The following SOX5 variants were observed in gnomAD, a reference collection of about 807,000 sequenced individuals.
SOX5 encodes SRY-box transcription factor 5, also known as transcription factor SOX-5.
A neutral mutation model predicts 92.0 loss-of-function variants in SOX5; 9 were observed. The observed-to-expected ratio is 0.10, with a 90% CI of 0.06 to 0.17. The LOEUF is 0.17. Ranked by LOEUF, SOX5 falls within the 10% of genes least tolerant of loss-of-function variation. SOX5 has a pLI of 1.00. For synonymous variants in SOX5, 344 were observed against 336.3 expected (o/e 1.02, Z -0.25); for missense variants, 642 against 944.5 (o/e 0.68, Z 4.20).
intron 10 of SOX5, among the ~76,000 whole-genome samples, chr12:23,565,302 C>T (rs1171518511): frequency 6.6e-6 from 1 of 152,148 alleles, no homozygotes. Context: ...CAATATTACT[C>T]TAGATAGAAA....
intron 1 of SOX5, among the ~76,000 whole-genome samples, chr12:24,551,290 G>T (rs1471381023): frequency 6.6e-6 from 1 of 152,202 alleles, no homozygotes; most frequent in African/African-American, 2.4e-5. Flanking sequence ...CACGCTGGTG[G>T]ATTTTCATAA....
At chr12:24,399,693 G>A (rs1961042819) in intron 1 of SOX5, among the ~76,000 whole-genome samples, 1 of 152,182 alleles carries the variant, frequency 6.6e-6, no homozygotes, top group African/African-American at 2.4e-5. Context: ...GGAAGACTAT[G>A]GAAGTATGCA....
At chr12:24,161,770 G>A (rs1413271990) in intron 4 of SOX5, among the ~76,000 whole-genome samples, 1 of 151,942 alleles carries the variant, frequency 6.6e-6, no homozygotes, top group East Asian at 1.9e-4. Context: ...TGTTAGTGAG[G>A]GTCCAGGGAA....
intron 3 of SOX5, among the ~76,000 whole-genome samples, chr12:23,790,445 C>A (rs2095450958): frequency 6.6e-6 from 1 of 151,980 alleles, no homozygotes; most frequent in African/African-American, 2.4e-5. Flanking sequence ...ATGTCACACT[C>A]TTAATTCTGT....
intron 4 of SOX5, among the ~76,000 whole-genome samples, chr12:24,210,360 A>G (rs1333076410): frequency 6.6e-6 from 1 of 152,216 alleles, no homozygotes; most frequent in African/African-American, 2.4e-5. Flanking sequence ...TAAGTTTCAG[A>G]GCTGCCTCCA....
At chr12:24,137,209 T>C (rs1950182838) in intron 4 of SOX5, among the ~76,000 whole-genome samples, 1 of 152,138 alleles carries the variant, frequency 6.6e-6, no homozygotes, top group Non-Finnish European at 1.5e-5. Context: ...ATGGACGGCA[T>C]ATGTGGTCTA....
intron 4 of SOX5, among the ~76,000 whole-genome samples, chr12:24,202,810 T>C (rs1957652816): frequency 6.6e-6 from 1 of 152,224 alleles, no homozygotes; most frequent in Non-Finnish European, 1.5e-5. Context: ...AGGCACATGA[T>C]GGTGATATAT....
At position 23,578,143 on chromosome 12, in the gene SOX5, A is replaced by AAAAAAAAAAAC. The variant is rs1321080744; in HGVS notation, c.1165-2306_1165-2305insGTTTTTTTTTT. On this transcript the variant is annotated intron_variant, in intron 9 of 14. Transcript: ENST00000451604. ...AAAAAAAAAAAAAAAAAAAAAAAAA[A>AAAAAAAAAAAC]AAAAAAACTATAGGGGCAATATTAT... Among the ~76,000 whole-genome samples the AAAAAAAAAAAC allele has an allele frequency of 1.0e-4, 13 of 126,206 alleles. 1 individual carries two copies. The highest frequency in any genetic ancestry group is 8.2e-4 in the South Asian group (3 of 3,670). The allele number at this position is 126,206 out of a possible 152,430, so 82.8% of individuals were successfully genotyped here. A position where few individuals can be genotyped will look rare whatever the true frequency, so the allele number is the denominator to read the frequency against.
intron 4 of SOX5, among the ~76,000 whole-genome samples, chr12:24,205,729 T>A (rs556259865): frequency 2.0e-5 from 3 of 152,184 alleles, no homozygotes; most frequent in Non-Finnish European, 4.4e-5. Flanking sequence ...GGTTTCCAAA[T>A]AGACTCTTAA....
rs56206607 is a variant in SOX5, at chr12:24,444,270, A to ATGTGTGTG, written c.-250-75639_-250-75632dup. Among the ~76,000 whole-genome samples, 821 of 149,238 alleles carry ATGTGTGTG rather than the reference A, an allele frequency of 5.5e-3. 4 individuals carry two copies. The highest frequency in any genetic ancestry group is 9.4e-3 in the African/African-American group (380 of 40,572). On this transcript the variant is annotated intron_variant, in intron 1 of 4. Transcript: ENST00000446891. ...ACTCAACACTGTGCCAGGCCACTGA[A>ATGTGTGTG]TGTGTGTGTGTGTGTGTGTGTGTGT...
intron 4 of SOX5, among the ~76,000 whole-genome samples, chr12:23,969,570 CTGTT>C (rs1947989756): frequency 6.6e-6 from 1 of 152,176 alleles, no homozygotes; most frequent in Non-Finnish European, 1.5e-5. Flanking sequence ...GCTATTTTCT[CTGTT>C]TGGAATTGTC....
intron 3 of SOX5, among the ~76,000 whole-genome samples, chr12:23,777,567 T>C (rs1393782814): frequency 6.6e-6 from 1 of 152,122 alleles, no homozygotes; most frequent in Admixed American, 6.5e-5. Context: ...AGTAAACACA[T>C]ACACACACAA....
chr12:23,627,802 T>C (rs1301110855), intron 8 of SOX5, among the ~76,000 whole-genome samples: 5 of 152,042 alleles, frequency 3.3e-5, no homozygotes, highest in Non-Finnish European at 7.4e-5. Flanking sequence ...CATTTGTAAA[T>C]GTTTAAATAA....
At chr12:23,734,560 C>T in intron 6 of SOX5, 124 bp downstream of exon 6, 1 of 682,932 alleles carries the variant, frequency 1.5e-6, no homozygotes, top group Non-Finnish European at 2.4e-6. Context: ...AGAGGAGGTG[C>T]TATGTCATGA....
At chr12:24,543,346 A>G (rs1207853741) in intron 1 of SOX5, among the ~76,000 whole-genome samples, 2 of 152,260 alleles carry the variant, frequency 1.3e-5, no homozygotes, top group African/African-American at 4.8e-5. Context: ...ATGAATAAGA[A>G]GTTAAGATTA....
intron 4 of SOX5, among the ~76,000 whole-genome samples, chr12:24,150,952 G>A (rs1951594223): frequency 6.6e-6 from 1 of 152,064 alleles, no homozygotes; most frequent in East Asian, 1.9e-4. Context: ...CATTGCACAG[G>A]AGATAAATTT....
At chr12:23,971,434 A>G (rs1254815216) in intron 4 of SOX5, among the ~76,000 whole-genome samples, 1 of 151,352 alleles carries the variant, frequency 6.6e-6, no homozygotes, top group Non-Finnish European at 1.5e-5. Flanking sequence ...CAGCTGACTC[A>G]TTTTTATTCA....
chr12:24,011,360 TCTC>T (rs1156905014), intron 4 of SOX5, among the ~76,000 whole-genome samples: 2 of 152,202 alleles, frequency 1.3e-5, no homozygotes, highest in African/African-American at 4.8e-5. Flanking sequence ...TTGATAATCA[TCTC>T]CTATTTTTTC....
At chr12:24,384,089 C>T in intron 1 of SOX5, among the ~76,000 whole-genome samples, 1 of 152,170 alleles carries the variant, frequency 6.6e-6, no homozygotes, top group African/African-American at 2.4e-5. Context: ...TTGTAAGTTT[C>T]CTGAGGCCTC....
Sources: gnomAD v4.1 joint callset for allele counts (sites outside exome capture counted in the v4.1 genomes callset) on GRCh38, gnomAD v4.1.1 for gene constraint, MANE v1.5 for transcripts, NCBI Gene and HGNC (gene_info 2026-07-23, HGNC 2026-07-21) for gene names.